Variants in VIPR2 observed in about 807,000 individuals in gnomAD.
The protein encoded by VIPR2 is vasoactive intestinal polypeptide receptor 2.
A neutral mutation model predicts 58.0 loss-of-function variants in VIPR2; 48 were observed. The observed-to-expected ratio is 0.83, with a 90% confidence interval of 0.66 to 1.05. The LOEUF (loss-of-function observed/expected upper bound fraction) is 1.05, where lower values mean the gene tolerates loss of function less well. VIPR2 is among the 50% of genes least tolerant of loss of function. VIPR2 has a pLI of 0.00. For synonymous variants in VIPR2, 243 were observed against 235.2 expected (o/e 1.03, Z -0.30); for missense variants, 534 against 558.0 (o/e 0.96, Z 0.43).
Position 159,097,068 on chromosome 7 carries a change from C to T in VIPR2, c.357+6689G>A. ...TCTCTGGCAGGCTCCTCCTGGCACC[C>T]TGGGAGGCTGGTGTGTCCTTGCAGG... On this transcript the variant is annotated intron_variant, in intron 4 of 12. Coordinates refer to ENST00000262178, the MANE Select transcript of VIPR2 (RefSeq NM_003382.5). The surrounding 1 kb of genome is among the most constrained non-coding windows in gnomAD (Gnocchi z 5.3). The T allele has an allele frequency of 1.3e-6, 2 of 1,544,386 alleles. No homozygotes were observed. Among genetic ancestry groups the T allele is most frequent in the Non-Finnish European group, 1.7e-6 (2 of 1,143,146 alleles).
chr7:159,069,342 G>A (rs1280320950), intron 4 of VIPR2, among the ~76,000 whole-genome samples: 4 of 152,106 alleles, frequency 2.6e-5, no homozygotes, highest in South Asian at 2.1e-4. Context: ...TGGAACCCAC[G>A]TGCAGTCTGG....
intron 12 of VIPR2, among the ~76,000 whole-genome samples, 196 bp from the exon 13 acceptor site, chr7:159,030,985 C>T (rs1311250841): frequency 6.6e-6 from 1 of 152,206 alleles, no homozygotes; most frequent in Non-Finnish European, 1.5e-5. Flanking sequence ...CACAGGAGGG[C>T]GGGGGACGCT....
At chr7:159,053,321 T>TATAATACC (rs975661423) in intron 5 of VIPR2, among the ~76,000 whole-genome samples, 2 of 152,176 alleles carry the variant, frequency 1.3e-5, no homozygotes, top group African/African-American at 4.8e-5. Context: ...ACAAAATATT[T>TATAATACC]ATAATACCAT....
intron 4 of VIPR2, among the ~76,000 whole-genome samples, chr7:159,066,323 C>A (rs1041108916): frequency 4.0e-5 from 6 of 151,724 alleles, no homozygotes; most frequent in African/African-American, 1.5e-4. Context: ...TTCCAGGATG[C>A]CTGCTTCCAC....
chr7:159,119,087 C>A (rs138581148), intron 2 of VIPR2, among the ~76,000 whole-genome samples: 1,960 of 152,304 alleles, frequency 0.013, 32 homozygotes, highest in African/African-American at 0.03. Context: ...TGAGGCCCAG[C>A]CTTGGAATGC....
intron 4 of VIPR2, among the ~76,000 whole-genome samples, chr7:159,094,232 G>T (rs1008692791): frequency 1.3e-5 from 2 of 152,148 alleles, no homozygotes; most frequent in Non-Finnish European, 2.9e-5. Context: ...TCCAGACTCA[G>T]CAGAGGAAGA....
At chr7:159,063,155 T>C (rs1472620614) in intron 4 of VIPR2, among the ~76,000 whole-genome samples, 2 of 152,080 alleles carry the variant, frequency 1.3e-5, no homozygotes, top group Admixed American at 6.5e-5. Context: ...AGCCCTTGGG[T>C]GGTCCATGGG....
chr7:159,121,559 A>C (rs1342832122), intron 2 of VIPR2, among the ~76,000 whole-genome samples: 1 of 152,236 alleles, frequency 6.6e-6, no homozygotes, highest in Admixed American at 6.5e-5. Flanking sequence ...TTTTACAAAA[A>C]TATGATATTA....
intron 4 of VIPR2, among the ~76,000 whole-genome samples, chr7:159,085,908 C>T (rs55683317): frequency 0.12 from 18,747 of 152,104 alleles, 1,389 homozygotes; most frequent in East Asian, 0.16. Flanking sequence ...GGACGACCCG[C>T]GCGATGCTGT....
Position 159,132,620 on chromosome 7 carries a change from G to A in VIPR2, c.151+9826C>T, listed in dbSNP as rs577488928. 7.9e-5 allele frequency among the ~76,000 whole-genome samples: 12 copies of A among 152,376 alleles called. No individual in the cohort carries two copies. The East Asian group carries it at 9.6e-4, about 12-fold the overall frequency. Reference sequence around the variant, plus strand: ...GTGCCTTTCTGGAGAAATGGGTGCAGCTCAGGGGGATGACTCCGAGTCACA... The same window carrying A: ...GTGCCTTTCTGGAGAAATGGGTGCAACTCAGGGGGATGACTCCGAGTCACA... On this transcript the variant is annotated intron_variant, in intron 2 of 12. Coordinates refer to ENST00000262178, the MANE Select transcript of VIPR2 (RefSeq NM_003382.5).
rs568175371 is a variant in VIPR2, at chr7:159,053,962, A to G, written c.455+4519T>C. Among the ~76,000 whole-genome samples the G allele has an allele frequency of 2.6e-5, 4 of 152,374 alleles. No homozygotes were observed. The East Asian group carries it at 7.7e-4, about 29-fold the overall frequency. On this transcript the variant is annotated intron_variant, in intron 5 of 12. Transcript: ENST00000262178. ...TTAAAAAATAAAAAAGGGTTGATGG[A>G]CTTGGACTCCTAGGAATAAAGACTT...
intron 4 of VIPR2, among the ~76,000 whole-genome samples, chr7:159,069,052 C>T (rs1393994145): frequency 2.0e-5 from 3 of 152,286 alleles, no homozygotes; most frequent in African/African-American, 7.2e-5. Context: ...CCGCGTGAAC[C>T]GTTCTGGTTC....
At chr7:159,052,179 C>G (rs151205241) in intron 5 of VIPR2, among the ~76,000 whole-genome samples, 4 of 152,236 alleles carry the variant, frequency 2.6e-5, no homozygotes, top group Non-Finnish European at 5.9e-5. Flanking sequence ...ATTGGTAACA[C>G]TTTATTCAGT....
chr7:159,035,608 T>C, intron 8 of VIPR2: 3 of 880,762 alleles, frequency 3.4e-6, no homozygotes, highest in Non-Finnish European at 4.1e-6. Flanking sequence ...CACCTGACCT[T>C]CCACTTTGCT....
chr7:159,138,612 T>C (rs1183326516), intron 2 of VIPR2, among the ~76,000 whole-genome samples: 1 of 152,174 alleles, frequency 6.6e-6, no homozygotes, highest in African/African-American at 2.4e-5. Flanking sequence ...AGTTGCCAAA[T>C]ACATTGTTAC....
chr7:159,063,020 T>G (rs1404787825), intron 4 of VIPR2, among the ~76,000 whole-genome samples: 1 of 152,140 alleles, frequency 6.6e-6, no homozygotes, highest in Non-Finnish European at 1.5e-5. Flanking sequence ...GTATTTACAA[T>G]CTCTTAGCTA....
intron 4 of VIPR2, among the ~76,000 whole-genome samples, chr7:159,063,250 G>A (rs1187867289): frequency 2.6e-5 from 4 of 152,160 alleles, no homozygotes; most frequent in South Asian, 2.1e-4. Flanking sequence ...GGAGACTCGG[G>A]CATGGTGGGC....
rs1411513678 is a variant in VIPR2 at position 159,030,709 on chromosome 7, G to T, written c.1224C>A (p.Ser408=). The T allele has an allele frequency of 6.3e-7, 1 of 1,591,996 alleles. No homozygotes were observed. Among genetic ancestry groups the T allele is most frequent in the Non-Finnish European group, 8.5e-7 (1 of 1,170,692 alleles). The change falls in exon 13 of 13, where the codon TCC becomes TCA. Residue 408 remains serine (S), a synonymous_variant. Coordinates refer to ENST00000262178, the MANE Select transcript of VIPR2 (RefSeq NM_003382.5). ...CCTCCGAGCCGTTGCGGGAGAAGGA[G>T]GAACCGCAGACCCTGTAATCCCGGC... ...SASRDYRVCG[S]SFSRNGSEGA...
At chr7:159,056,288 G>C (rs968743303) in intron 5 of VIPR2, among the ~76,000 whole-genome samples, 1 of 149,210 alleles carries the variant, frequency 6.7e-6, no homozygotes, top group Admixed American at 6.7e-5. Flanking sequence ...TCCCACATTT[G>C]CCCCTTCAGG....
Sources: allele counts gnomAD v4.1 joint callset (sites outside exome capture counted in the v4.1 genomes callset), GRCh38; gene constraint gnomAD v4.1.1; non-coding constraint Gnocchi (gnomAD v3.1); transcripts MANE v1.5; gene names NCBI Gene and HGNC (gene_info 2026-07-23, HGNC 2026-07-21).